Variants in SLC12A6 observed in about 807,000 individuals in gnomAD.
SLC12A6 encodes K-Cl cotransporter 3.
In SLC12A6, 66 loss-of-function variants were observed where a neutral mutation model predicts 135.3. The observed-to-expected ratio is 0.49, with a 90% CI of 0.40 to 0.60. SLC12A6 has a LOEUF of 0.60. SLC12A6 is among the 20% of genes least tolerant of loss of function. SLC12A6 has a pLI of 0.00. For missense variants in SLC12A6, 1,058 were observed against 1,452.3 expected, an observed-to-expected ratio of 0.73 and a Z score of 4.41; for synonymous variants, 513 against 508.8, an observed-to-expected ratio of 1.01 and a Z score of -0.11.
At chr15:34,268,989 T>G (rs894922681) in intron 3 of SLC12A6, among the ~76,000 whole-genome samples, 6 of 152,072 alleles carry the variant, frequency 3.9e-5, no homozygotes, top group Non-Finnish European at 7.4e-5. Flanking sequence ...CCCGAGTAGC[T>G]GGAATTATAG....
At chr15:34,318,848 G>T in intron 2 of SLC12A6, 10 of 1,474,372 alleles carry the variant, frequency 6.8e-6, no homozygotes, top group Non-Finnish European at 9.0e-6. Flanking sequence ...AGCCCTGAGG[G>T]AGTGGGGCGC....
chr15:34,243,841 T>C (rs1046513125), intron 16 of SLC12A6, 133 bp downstream of exon 16: 10 of 705,016 alleles, frequency 1.4e-5, no homozygotes, highest in African/African-American at 7.1e-5. Context: ...CAGATAAGAA[T>C]TGAAAGTTGA....
chr15:34,265,744 G>A (rs1177066834), intron 3 of SLC12A6, among the ~76,000 whole-genome samples: 3 of 152,292 alleles, frequency 2.0e-5, no homozygotes, highest in South Asian at 4.1e-4. Context: ...GCACACTCCT[G>A]GCATAGGATA....
At chr15:34,275,201 T>G in intron 3 of SLC12A6, 144 bp downstream of exon 3, 1 of 556,954 alleles carries the variant, frequency 1.8e-6, no homozygotes, top group Non-Finnish European at 3.2e-6. Context: ...AAGTTGGGAA[T>G]AGAAACAGCA....
chr15:34,282,208 C>T (rs532476754), intron 2 of SLC12A6, among the ~76,000 whole-genome samples: 4 of 152,140 alleles, frequency 2.6e-5, no homozygotes, highest in African/African-American at 7.2e-5. Flanking sequence ...CGGTTTGGGG[C>T]AGGGATTGTA....
At chr15:34,250,176 A>G in intron 13 of SLC12A6, 122 bp downstream of exon 13, 1 of 769,370 alleles carries the variant, frequency 1.3e-6, no homozygotes, top group Non-Finnish European at 2.4e-6. Flanking sequence ...AAGTGCCGGG[A>G]TTACAGGCAT....
intron 5 of SLC12A6, among the ~76,000 whole-genome samples, chr15:34,258,273 A>G (rs111389446): frequency 4.2e-4 from 64 of 152,314 alleles, no homozygotes; most frequent in African/African-American, 1.4e-3. Context: ...TGAATGTCTT[A>G]TATTTTCATT....
intron 19 of SLC12A6, among the ~76,000 whole-genome samples, chr15:34,239,389 C>CTCTGCTTTTTCCTCTGT (rs1891488965): frequency 6.6e-6 from 1 of 152,154 alleles, no homozygotes; most frequent in Admixed American, 6.5e-5. Flanking sequence ...CATGTAGTTT[C>CTCTGCTTTTTCCTCTGT]TCTGCTTTTT....
chr15:34,238,121 C>T (rs1891397193), intron 21 of SLC12A6, 111 bp downstream of exon 21: 1 of 810,304 alleles, frequency 1.2e-6, no homozygotes, highest in African/African-American at 1.7e-5. Flanking sequence ...ACTTCCAACT[C>T]TTCTGATTCT....
intron 2 of SLC12A6, among the ~76,000 whole-genome samples, chr15:34,282,032 T>C (rs1364975859): frequency 6.6e-6 from 1 of 152,176 alleles, no homozygotes; most frequent in African/African-American, 2.4e-5. Context: ...AATGTGTACT[T>C]TAGTCCACAC....
At chr15:34,267,919 A>G (rs182408228) in intron 3 of SLC12A6, among the ~76,000 whole-genome samples, 11 of 151,720 alleles carry the variant, frequency 7.3e-5, no homozygotes, top group African/African-American at 2.4e-4. Context: ...TTTTATATCT[A>G]TATATATTTT....
At chr15:34,269,674 G>T (rs530432039) in intron 3 of SLC12A6, among the ~76,000 whole-genome samples, 2 of 151,876 alleles carry the variant, frequency 1.3e-5, no homozygotes, top group East Asian at 3.9e-4. Flanking sequence ...GTTTCTGATG[G>T]TCTGGGTTTT....
chr15:34,316,257 T>G (rs1888642589), intron 2 of SLC12A6, among the ~76,000 whole-genome samples: 1 of 152,198 alleles, frequency 6.6e-6, no homozygotes, highest in African/African-American at 2.4e-5. Flanking sequence ...TGGCCAATGT[T>G]GGAAGTGCTT....
At chr15:34,238,804 A>C in intron 20 of SLC12A6, 161 bp downstream of exon 20, 1 of 746,456 alleles carries the variant, frequency 1.3e-6, no homozygotes, top group African/African-American at 1.7e-5. Context: ...TGAAGGGGGT[A>C]GGTAGAATCT....
At chr15:34,300,202 G>A (rs1896146423) in intron 2 of SLC12A6, among the ~76,000 whole-genome samples, 1 of 152,116 alleles carries the variant, frequency 6.6e-6, no homozygotes, top group Non-Finnish European at 1.5e-5. Context: ...GGTGGTAAAG[G>A]ATAGGTGTCA....
chr15:34,323,300 C>T (rs1889243899), intron 2 of SLC12A6, among the ~76,000 whole-genome samples: 2 of 152,114 alleles, frequency 1.3e-5, no homozygotes, highest in South Asian at 4.1e-4. Context: ...AAATTAAAAT[C>T]ACAATTTAAA....
At position 34,250,415 on chromosome 15, in the gene SLC12A6, A is replaced by T. The variant is rs572685354; in HGVS notation, c.1592-60T>A. The T allele has an allele frequency of 2.2e-4, 235 of 1,049,032 alleles. 1 individual carries two copies. In the Middle Eastern group the frequency reaches 3.2e-3, roughly 14 times the overall value. 65.0% of individuals were successfully genotyped at this position (1,049,032 alleles called of 1,614,324 possible). A position where few individuals can be genotyped will look rare whatever the true frequency, so the allele number is the denominator to read the frequency against. On this transcript the variant is annotated intron_variant, in intron 12 of 25. Coordinates refer to ENST00000354181, the MANE Select transcript of SLC12A6 (RefSeq NM_001365088.1). ...CCCTCTAACATGAGATAGAAAGTAGACACTCAGTAGACACTTTCTTCTGTC... is the reference window on the plus strand; with the variant it reads ...CCCTCTAACATGAGATAGAAAGTAGTCACTCAGTAGACACTTTCTTCTGTC...
chr15:34,309,106 T>C (rs962193269), intron 2 of SLC12A6, among the ~76,000 whole-genome samples: 6 of 152,210 alleles, frequency 3.9e-5, no homozygotes, highest in South Asian at 4.1e-4. Context: ...GTTTGAACAC[T>C]GGCTCTGCTA....
At chr15:34,320,083 G>C (rs1888960286) in intron 2 of SLC12A6, among the ~76,000 whole-genome samples, 1 of 152,180 alleles carries the variant, frequency 6.6e-6, no homozygotes, top group Non-Finnish European at 1.5e-5. Context: ...TGTCCATATT[G>C]ATGATGTAGT....
Sources: gnomAD v4.1 joint callset for allele counts (sites outside exome capture counted in the v4.1 genomes callset) on GRCh38, gnomAD v4.1.1 for gene constraint, MANE v1.5 for transcripts, NCBI Gene and HGNC (gene_info 2026-07-23, HGNC 2026-07-21) for gene names.